SCN9A: variants seen among roughly 807,000 people sequenced by gnomAD.
SCN9A encodes the protein sodium channel protein type 9 subunit alpha.
In SCN9A, 131 loss-of-function variants were observed where a neutral mutation model predicts 187.0. That is an observed-to-expected ratio of 0.70 (90% CI 0.61 to 0.81). SCN9A has a LOEUF of 0.81. Ranked by LOEUF, SCN9A falls within the 30% of genes least tolerant of loss-of-function variation. SCN9A has a pLI of 0.00. For synonymous variants in SCN9A, 809 were observed against 808.6 expected (o/e 1.00, Z -0.01); for missense variants, 2,252 against 2,396.6 (o/e 0.94, Z 1.26).
At chr2:166,274,304 G>A (rs974197876) in intron 16 of SCN9A, among the ~76,000 whole-genome samples, 3 of 151,998 alleles carry the variant, frequency 2.0e-5, no homozygotes, top group Admixed American at 6.6e-5. Context: ...TATCATCTTT[G>A]TATTATCATG....
chr2:166,299,838 A>G (rs576354509), intron 7 of SCN9A, among the ~76,000 whole-genome samples: 2 of 150,808 alleles, frequency 1.3e-5, no homozygotes, highest in Admixed American at 6.6e-5. Context: ...TAGCTAGCTA[A>G]TAGTGACCTT....
chr2:166,272,132 C>T (rs1218587797), intron 17 of SCN9A, among the ~76,000 whole-genome samples: 1 of 151,952 alleles, frequency 6.6e-6, no homozygotes, highest in East Asian at 1.9e-4. Context: ...TTTCAACTGA[C>T]AGGAAACATG....
chr2:166,272,431 T>C lies in SCN9A; in HGVS notation c.3319A>G (p.Ser1107Gly), dbSNP rs1333128011. 4 of 1,606,314 alleles carry C rather than the reference T, an allele frequency of 2.5e-6. No homozygotes were observed. Among genetic ancestry groups the C allele is most frequent in the Non-Finnish European group, 2.6e-6 (3 of 1,175,226 alleles). ...DLENMNAEEL[S>G]SDSDSEYSKV... ...CTGTATTCACTATCCGAATCACTGCTAAGTTCCTCAGCATTCATATTTTCC... is the reference window on the plus strand; with the variant it reads ...CTGTATTCACTATCCGAATCACTGCCAAGTTCCTCAGCATTCATATTTTCC... Residue 1107 changes from serine to glycine, a missense_variant, in exon 17 of 27, where the codon AGC becomes GGC. Physicochemically the swap from Ser to Gly is moderately conservative, Grantham distance 56 (BLOSUM62 0). Coordinates refer to ENST00000642356, the MANE Select transcript of SCN9A (RefSeq NM_001365536.1).
At chr2:166,342,480 T>C (rs1372654684) in intron 1 of SCN9A, among the ~76,000 whole-genome samples, 1 of 152,158 alleles carries the variant, frequency 6.6e-6, no homozygotes, top group Non-Finnish European at 1.5e-5. Flanking sequence ...CATTATGGCT[T>C]TAATTATAGT....
At chr2:166,260,816 C>G (rs1381807606) in intron 17 of SCN9A, among the ~76,000 whole-genome samples, 2 of 151,702 alleles carry the variant, frequency 1.3e-5, no homozygotes, top group Non-Finnish European at 2.9e-5. Flanking sequence ...TGTTCAGTAA[C>G]ATAATATTTA....
chr2:166,288,068 TA>T (rs1478371412), intron 10 of SCN9A, among the ~76,000 whole-genome samples: 3 of 143,604 alleles, frequency 2.1e-5, no homozygotes, highest in South Asian at 2.1e-4. Context: ...TATAATAATT[TA>T]AAAAAACACA....
chr2:166,355,638 GA>G (rs1233487557), intron 1 of SCN9A, among the ~76,000 whole-genome samples: 5 of 151,710 alleles, frequency 3.3e-5, no homozygotes, highest in African/African-American at 1.2e-4. Flanking sequence ...TTTCAAAAAT[GA>G]ATAGAAATAT....
chr2:166,351,172 G>A (rs1398511343), intron 1 of SCN9A, among the ~76,000 whole-genome samples: 1 of 152,082 alleles, frequency 6.6e-6, no homozygotes, highest in Non-Finnish European at 1.5e-5. Context: ...AAGTCTTGAA[G>A]CATGAAAAGC....
chr2:166,240,384 A>G (rs1247848471), intron 19 of SCN9A, among the ~76,000 whole-genome samples: 1 of 152,208 alleles, frequency 6.6e-6, no homozygotes, highest in Non-Finnish European at 1.5e-5. Context: ...AACCTGTCTA[A>G]GTACAAACAC....
rs1418236266 is a variant in SCN9A, at chr2:166,272,989, G to A, written c.2875-114C>T. 5 of 487,778 alleles carry A rather than the reference G, an allele frequency of 1.0e-5. No homozygotes were observed. In the Admixed American group the frequency reaches 1.1e-4, roughly 11 times the overall value. 30.2% of individuals were successfully genotyped at this position (487,778 alleles called of 1,614,324 possible). ...GGCCACAATACAAACCAGCAACGAAGATTTCTGCACCTTTTCACACACGGA... is the reference window on the plus strand; with the variant it reads ...GGCCACAATACAAACCAGCAACGAAAATTTCTGCACCTTTTCACACACGGA... On this transcript the variant is annotated intron_variant, in intron 16 of 26. Transcript: ENST00000642356.
rs147956569 is a variant in SCN9A at position 166,348,143 on chromosome 2, A to G, written c.-51+27554T>C. 9.9e-4 allele frequency among the ~76,000 whole-genome samples: 150 copies of G among 152,284 alleles called. 1 individual carries two copies. The highest frequency in any genetic ancestry group is 3.4e-3 in the African/African-American group (141 of 41,544). Reference sequence around the variant, plus strand: ...CCAGGTAGCATGTAACTCATGAGCCAATGAAAATTAGTTAATATACCACCT... The same window carrying G: ...CCAGGTAGCATGTAACTCATGAGCCGATGAAAATTAGTTAATATACCACCT... On this transcript the variant is annotated intron_variant, in intron 1 of 26. Transcript: ENST00000642356.
At chr2:166,305,734 C>G in intron 5 of SCN9A, 58 bp downstream of exon 5, 1 of 1,608,506 alleles carries the variant, frequency 6.2e-7, no homozygotes, top group Non-Finnish European at 8.5e-7. Flanking sequence ...GTTATTGGAA[C>G]ACTGTGCTGC....
chr2:166,201,849 G>GT (rs1693551122), intron 26 of SCN9A, among the ~76,000 whole-genome samples: 1 of 151,248 alleles, frequency 6.6e-6, no homozygotes, highest in African/African-American at 2.4e-5. Flanking sequence ...CTTCTTTATA[G>GT]TTTTTTACCA....
chr2:166,271,114 A>C (rs1041776864), intron 17 of SCN9A, among the ~76,000 whole-genome samples: 1 of 152,096 alleles, frequency 6.6e-6, no homozygotes, highest in African/African-American at 2.4e-5. Context: ...ATGAATTTAC[A>C]GTACTATTTG....
intron 1 of SCN9A, among the ~76,000 whole-genome samples, chr2:166,329,546 T>A (rs569413716): frequency 6.9e-6 from 1 of 145,162 alleles, no homozygotes; most frequent in South Asian, 2.3e-4. Flanking sequence ...TTGTTACCCA[T>A]TTTTGTTGTT....
chr2:166,298,091 G>A (rs1277700866), intron 7 of SCN9A, among the ~76,000 whole-genome samples: 2 of 152,168 alleles, frequency 1.3e-5, no homozygotes, highest in African/African-American at 4.8e-5. Flanking sequence ...ATGCAACTCT[G>A]AGAAAACTAG....
intron 1 of SCN9A, among the ~76,000 whole-genome samples, chr2:166,355,826 G>T (rs1700140543): frequency 6.6e-6 from 1 of 150,742 alleles, no homozygotes; most frequent in Non-Finnish European, 1.5e-5. Flanking sequence ...AGTCTGGAGT[G>T]CAGTGGCATG....
chr2:166,228,997 A>G lies in SCN9A; in HGVS notation c.3925-25T>C, dbSNP rs374562898. Reference sequence around the variant, plus strand: ...CCTAGTATTCAAAAGAAAGAAAAGCATGATTAGGATTAGTAAGATGTTAAA... The same window carrying G: ...CCTAGTATTCAAAAGAAAGAAAAGCGTGATTAGGATTAGTAAGATGTTAAA... On this transcript the variant is annotated intron_variant, in intron 21 of 26. Transcript: ENST00000642356. 10 of 1,586,142 alleles carry G rather than the reference A, an allele frequency of 6.3e-6. No homozygotes were observed. In the African/African-American group the frequency reaches 1.1e-4, roughly 17 times the overall value.
At chr2:166,307,284 A>C (rs896267950) in intron 2 of SCN9A, among the ~76,000 whole-genome samples, 16 of 152,194 alleles carry the variant, frequency 1.1e-4, no homozygotes, top group African/African-American at 3.6e-4. Flanking sequence ...GTAACTTTAA[A>C]AATTGAGCTA....
Sources: gnomAD v4.1 joint callset for allele counts (sites outside exome capture counted in the v4.1 genomes callset) on GRCh38, gnomAD v4.1.1 for gene constraint, MANE v1.5 for transcripts, NCBI Gene and HGNC (gene_info 2026-07-23, HGNC 2026-07-21) for gene names.